Variants in EPB41L4A observed in about 807,000 individuals in gnomAD.
The protein encoded by EPB41L4A is band 4.1-like protein 4A.
A neutral mutation model predicts 108.6 loss-of-function variants in EPB41L4A; 100 were observed. That is an observed-to-expected ratio of 0.92 (90% CI 0.78 to 1.09). The LOEUF is 1.09. Among genes scored for constraint, EPB41L4A ranks in the 50% least tolerant of loss-of-function variants. The pLI, the probability that EPB41L4A is intolerant of heterozygous loss-of-function variation, is 0.00. For synonymous variants in EPB41L4A, 319 were observed against 289.0 expected (o/e 1.10, Z -1.05); for missense variants, 1,030 against 842.7 (o/e 1.22, Z -2.75).
At chr5:112,160,698 C>T (rs1479891227), downstream of EPB41L4A, 1 of 154,278 alleles carries the variant, frequency 6.5e-6, no homozygotes, top group African/African-American at 2.4e-5. Context: ...GGCTCCTCCT[C>T]CCTTTGGTGA....
chr5:112,175,110 T>C (rs558145194), intron 18 of EPB41L4A: 9 of 152,376 alleles, frequency 5.9e-5, no homozygotes, highest in Middle Eastern at 6.8e-3. Flanking sequence ...ACTGAGAACA[T>C]CGCCCTGACG....
intron 1 of EPB41L4A, among the ~76,000 whole-genome samples, chr5:112,397,295 A>C (rs1761420731): frequency 6.6e-6 from 1 of 152,224 alleles, no homozygotes; most frequent in African/African-American, 2.4e-5. Context: ...GAAAAGTAAA[A>C]ATACTAATTT....
At chr5:112,250,614 G>T (rs1312137354) in intron 9 of EPB41L4A, 1 of 152,138 alleles carries the variant, frequency 6.6e-6, no homozygotes, top group Non-Finnish European at 1.5e-5. Flanking sequence ...ATTTTTTACA[G>T]GAGAATTTTC....
At chr5:112,303,526 T>C (rs1754505533) in intron 2 of EPB41L4A, among the ~76,000 whole-genome samples, 1 of 151,880 alleles carries the variant, frequency 6.6e-6, no homozygotes, top group Non-Finnish European at 1.5e-5. Context: ...GGCAGTGGAA[T>C]CACAATCGTA....
At chr5:112,279,922 G>A (rs537966595) in intron 3 of EPB41L4A, among the ~76,000 whole-genome samples, 1 of 152,086 alleles carries the variant, frequency 6.6e-6, no homozygotes, top group African/African-American at 2.4e-5. Context: ...TGGACATTAT[G>A]ACCCATCCCT....
intron 1 of EPB41L4A, among the ~76,000 whole-genome samples, chr5:112,314,505 TAAAAAAAA>T (rs552428109): frequency 1.1e-3 from 62 of 55,188 alleles, no homozygotes; most frequent in African/African-American, 4.4e-3. Context: ...CCATCGCTAC[TAAAAAAAA>T]AAAAAAAAAA....
intron 12 of EPB41L4A, among the ~76,000 whole-genome samples, chr5:112,221,054 C>T (rs1209239266): frequency 6.6e-6 from 1 of 152,146 alleles, no homozygotes; most frequent in Non-Finnish European, 1.5e-5. Context: ...AAGTTGTACA[C>T]TTTTCTCTTG....
At chr5:112,315,396 G>A (rs965664313) in intron 1 of EPB41L4A, among the ~76,000 whole-genome samples, 1 of 152,174 alleles carries the variant, frequency 6.6e-6, no homozygotes, top group East Asian at 1.9e-4. Context: ...CTTATTCTCA[G>A]TAAGAGCTGC....
At chr5:112,154,157 A>C (rs562934520) in intron 12 of EPB41L4A, among the ~76,000 whole-genome samples, 1 of 152,218 alleles carries the variant, frequency 6.6e-6, no homozygotes, top group South Asian at 2.1e-4. Flanking sequence ...CTACATATAC[A>C]ATATTGCAAT....
Position 112,170,936 on chromosome 5 carries a change from A to T in EPB41L4A, c.1670+9T>A. ...TTTTAAAACAATAAGAAAGAAAACTATTACTCACTGAATGTGCTTCCATAA... is the reference window on the plus strand; with the variant it reads ...TTTTAAAACAATAAGAAAGAAAACTTTTACTCACTGAATGTGCTTCCATAA... On this transcript the variant is annotated intron_variant, in intron 19 of 22. Transcript: ENST00000261486. 1 of 1,611,860 alleles carries T rather than the reference A, an allele frequency of 6.2e-7. No individual in the cohort carries two copies. Among genetic ancestry groups the T allele is most frequent in the South Asian group, 1.1e-5 (1 of 91,020 alleles).
At chr5:112,332,698 C>T (rs954788761) in intron 1 of EPB41L4A, among the ~76,000 whole-genome samples, 2 of 152,132 alleles carry the variant, frequency 1.3e-5, no homozygotes, top group South Asian at 2.1e-4. Flanking sequence ...TGCTAATTCT[C>T]GGAATAACAG....
chr5:112,265,282 A>G (rs1451056818), intron 5 of EPB41L4A, among the ~76,000 whole-genome samples: 1 of 152,234 alleles, frequency 6.6e-6, no homozygotes, highest in East Asian at 1.9e-4. Context: ...AATTACTCTT[A>G]ACAACGTATG....
chr5:112,294,681 A>T (rs1474129455), intron 2 of EPB41L4A, among the ~76,000 whole-genome samples: 1 of 152,070 alleles, frequency 6.6e-6, no homozygotes, highest in Admixed American at 6.6e-5. Flanking sequence ...GAGGCAGCAC[A>T]TACAACCCCC....
chr5:112,262,420 T>G, intron 7 of EPB41L4A, 74 bp downstream of exon 7: 2 of 1,233,872 alleles, frequency 1.6e-6, no homozygotes, highest in Non-Finnish European at 2.4e-6. Context: ...CAGCTTTCCT[T>G]TGGGAGTCTC....
chr5:112,166,243 T>G (rs77860890), intron 22 of EPB41L4A, among the ~76,000 whole-genome samples: 7,106 of 152,322 alleles, frequency 0.047, 195 homozygotes, highest in Middle Eastern at 0.071. Flanking sequence ...TGGTGGAAAT[T>G]AGAACTTAAA....
chr5:112,276,522 C>G (rs1752639256), intron 3 of EPB41L4A, among the ~76,000 whole-genome samples: 1 of 152,130 alleles, frequency 6.6e-6, no homozygotes, highest in Non-Finnish European at 1.5e-5. Flanking sequence ...TGTTTTGTTA[C>G]CTGGTATACC....
chr5:112,292,114 C>CT (rs1279675281), intron 2 of EPB41L4A, among the ~76,000 whole-genome samples: 1 of 152,130 alleles, frequency 6.6e-6, no homozygotes, highest in Admixed American at 6.5e-5. Flanking sequence ...TATGGTCTGT[C>CT]TCACCCCTGG....
chr5:112,331,297 A>G (rs1251519555), intron 1 of EPB41L4A, among the ~76,000 whole-genome samples: 3 of 151,876 alleles, frequency 2.0e-5, no homozygotes, highest in Admixed American at 2.0e-4. Flanking sequence ...TTACCTTCCA[A>G]CCCGTCCTCT....
chr5:112,312,942 T>C (rs1157606514), intron 1 of EPB41L4A, among the ~76,000 whole-genome samples: 1 of 152,192 alleles, frequency 6.6e-6, no homozygotes, highest in Non-Finnish European at 1.5e-5. Context: ...AAAGTGCAAT[T>C]AAAGTATATT....
Sources: gnomAD v4.1 joint callset for allele counts (sites outside exome capture counted in the v4.1 genomes callset) on GRCh38, gnomAD v4.1.1 for gene constraint, MANE v1.5 for transcripts, NCBI Gene and HGNC (gene_info 2026-07-23, HGNC 2026-07-21) for gene names.